Variants in IRAK4 observed in about 807,000 individuals in gnomAD.
IRAK4 encodes the protein interleukin 1 receptor associated kinase 4.
Under a neutral mutation model 51.8 loss-of-function variants are expected in IRAK4, and 44 were observed. The observed-to-expected ratio is 0.85, with a 90% CI of 0.67 to 1.09. The LOEUF is 1.09. IRAK4 is among the 50% of genes least tolerant of loss of function. IRAK4 has a pLI of 0.00. For synonymous variants in IRAK4, 149 were observed against 174.1 expected (o/e 0.86, Z 1.13); for missense variants, 487 against 538.0 (o/e 0.91, Z 0.94).
rs1316616416 is a variant in IRAK4, at chr12:43,772,284, G to C, written c.412G>C (p.Val138Leu). The change falls in exon 4 of 12, where the codon GTG (valine) becomes CTG (leucine). Residue 138 changes from valine (V) to leucine (L), a missense_variant. Val to Leu is a conservative substitution (Grantham distance 32). Transcript: ENST00000613694. ...CAAAGACAGGACATTGATGACACCTGTGCAGAATCTTGAACAAAGCTATAT... is the reference window on the plus strand; with the variant it reads ...CAAAGACAGGACATTGATGACACCTCTGCAGAATCTTGAACAAAGCTATAT... ...CDKDRTLMTPVQNLEQSYMPP... is the reference protein window; with the variant it reads ...CDKDRTLMTPLQNLEQSYMPP... 6.2e-7 allele frequency: 1 copy of C among 1,613,838 alleles called. No individual in the cohort carries two copies. The highest frequency in any genetic ancestry group is 8.5e-7 in the Non-Finnish European group (1 of 1,179,906).
At chr12:43,773,830 T>C (rs1469964767) in intron 5 of IRAK4, 135 bp from the exon 6 acceptor site, 1 of 666,920 alleles carries the variant, frequency 1.5e-6, no homozygotes. Flanking sequence ...TAGATCTCAG[T>C]TATTCTGTAG....
rs769754150 is a variant in IRAK4 at position 43,786,501 on chromosome 12, T to G, written c.1291T>G (p.Ser431Ala). ...TTCCACTTCAGTTGAAGCTATGTAC[T>G]CTGTTGCTAGTCAATGTCTGCATGA... Reference protein sequence around the residue: ...ADSTSVEAMYSVASQCLHEKK... With the variant: ...ADSTSVEAMYAVASQCLHEKK... The change falls in exon 11 of 12, where the codon TCT becomes GCT. Residue 431 changes from serine (S) to alanine (A), a missense_variant. By Grantham distance (99) the Ser-to-Ala change is moderately conservative. Coordinates refer to ENST00000613694, the MANE Select transcript of IRAK4 (RefSeq NM_016123.4). The G allele has an allele frequency of 5.0e-6, 8 of 1,613,592 alleles. No homozygotes were observed. Among genetic ancestry groups the G allele is most frequent in the Non-Finnish European group, 5.9e-6 (7 of 1,179,832 alleles).
intron 10 of IRAK4, 47 bp downstream of exon 10, chr12:43,783,771 T>A (rs371699637): frequency 3.1e-5 from 40 of 1,275,380 alleles, no homozygotes; most frequent in Non-Finnish European, 4.2e-5. Flanking sequence ...TCTGCTTTTG[T>A]AGTCTAAATT....
chr12:43,786,293 G>C, intron 10 of IRAK4, 106 bp from the exon 11 acceptor site: 4 of 704,736 alleles, frequency 5.7e-6, no homozygotes, highest in Non-Finnish European at 8.1e-6. Context: ...AGTAAAATGA[G>C]AGCACATGTT....
chr12:43,774,122 A>C, intron 6 of IRAK4, 93 bp downstream of exon 6: 1 of 807,522 alleles, frequency 1.2e-6, no homozygotes, highest in Non-Finnish European at 2.1e-6. Flanking sequence ...TGAACTAGTG[A>C]TGTTTGCACA....
rs1942254918 is a variant in IRAK4, at chr12:43,786,849, A to G, written c.*134A>G. ...GTTGCAGGACAGTGGTTATTAAAGCATGGGTTGAACTTCCAAAATATAAAA... is the reference window on the plus strand; with the variant it reads ...GTTGCAGGACAGTGGTTATTAAAGCGTGGGTTGAACTTCCAAAATATAAAA... On this transcript the variant is annotated 3_prime_UTR_variant, in exon 12 of 12. Coordinates refer to ENST00000613694, the MANE Select transcript of IRAK4 (RefSeq NM_016123.4). The G allele has an allele frequency of 1.3e-6, 1 of 761,688 alleles. No homozygotes were observed. Among genetic ancestry groups the G allele is most frequent in the East Asian group, 2.6e-5 (1 of 38,494 alleles). The allele number at this position is 761,688 out of a possible 1,614,324, so 47.2% of individuals were successfully genotyped here.
rs933500132 is a variant in IRAK4 at position 43,788,009 on chromosome 12, A to G, written c.*1294A>G. 1 of 152,298 alleles carries G rather than the reference A, an allele frequency of 6.6e-6. No individual in the cohort carries two copies. The highest frequency in any genetic ancestry group is 6.6e-5 in the Admixed American group (1 of 15,264). 9.4% of individuals were successfully genotyped at this position (152,298 alleles called of 1,614,324 possible). ...GAGGTAGAGGTTGCAGTGAGCTGAG[A>G]TCGTGCCACTGCACTCCAGCCTGGG... On this transcript the variant is annotated 3_prime_UTR_variant, in exon 12 of 12. Transcript: ENST00000613694.
intron 10 of IRAK4, among the ~76,000 whole-genome samples, chr12:43,784,605 A>G (rs1942054677): frequency 6.6e-6 from 1 of 152,250 alleles, no homozygotes; most frequent in African/African-American, 2.4e-5. Context: ...GTTTTGCCTA[A>G]GACTTTTTCC....
chr12:43,770,786 G>C (rs1940670740), intron 2 of IRAK4, among the ~76,000 whole-genome samples: 1 of 152,124 alleles, frequency 6.6e-6, no homozygotes, highest in South Asian at 2.1e-4. Flanking sequence ...AAAAGTTCAT[G>C]TGTTAGAAAC....
intron 8 of IRAK4, among the ~76,000 whole-genome samples, chr12:43,781,172 T>TG (rs1245497411): frequency 6.6e-6 from 1 of 152,216 alleles, no homozygotes; most frequent in Non-Finnish European, 1.5e-5. Context: ...TACAAAATTC[T>TG]GTTGTGTGAG....
chr12:43,782,055 T>C lies in IRAK4; in HGVS notation c.942-252T>C, dbSNP rs11182262. Among the ~76,000 whole-genome samples the C allele has an allele frequency of 9.4e-3, 1,267 of 134,124 alleles. 17 individuals carry two copies. The highest frequency in any genetic ancestry group is 0.077 in the East Asian group (321 of 4,152). The allele number at this position is 134,124 out of a possible 152,430, so 88.0% of individuals were successfully genotyped here. On this transcript the variant is annotated intron_variant, in intron 8 of 11. Transcript: ENST00000613694. ...TTCATTTTTATTCTCCTAAATGTTT[T>C]CCTCAAGAAACATAAAAAAAGAGGA... is the stretch of plus-strand genomic sequence containing the variant.
intron 8 of IRAK4, among the ~76,000 whole-genome samples, chr12:43,780,250 T>C (rs1250042194): frequency 1.3e-5 from 2 of 152,102 alleles, no homozygotes; most frequent in African/African-American, 4.8e-5. Context: ...AGAACTGAGA[T>C]AGGAGTATAG....
At chr12:43,765,857 C>A (rs950190313) in intron 1 of IRAK4, among the ~76,000 whole-genome samples, 2 of 142,532 alleles carry the variant, frequency 1.4e-5, no homozygotes, top group East Asian at 2.0e-4. Context: ...AAAAAAAAAA[C>A]TTCATTCTAT....
At chr12:43,769,633 C>T (rs1940538730) in intron 2 of IRAK4, among the ~76,000 whole-genome samples, 1 of 152,128 alleles carries the variant, frequency 6.6e-6, no homozygotes, top group Non-Finnish European at 1.5e-5. Context: ...GCCTGAGTGA[C>T]AGAGCAAGAC....
chr12:43,781,289 A>G (rs1397027296), intron 8 of IRAK4, among the ~76,000 whole-genome samples: 56 of 152,168 alleles, frequency 3.7e-4, no homozygotes, highest in Admixed American at 3.7e-3. Flanking sequence ...AATCCAGCCT[A>G]TCAGTTCTCA....
chr12:43,771,186 G>A (rs1940719626), intron 2 of IRAK4, 34 bp from the exon 3 acceptor site: 2 of 1,567,246 alleles, frequency 1.3e-6, no homozygotes, highest in African/African-American at 2.7e-5. Flanking sequence ...TAAGACAATA[G>A]ACTAATTTTG....
At position 43,775,577 on chromosome 12, in the gene IRAK4, A is replaced by G. The variant is rs1235840552; in HGVS notation, c.716+1548A>G. 2.0e-5 allele frequency among the ~76,000 whole-genome samples: 3 copies of G among 152,202 alleles called. No homozygotes were observed. The East Asian group carries it at 5.8e-4, about 29-fold the overall frequency. Reference sequence around the variant, plus strand: ...TTGAAAACATTTTAAATTATTGTACAACAGTCTAGCATATGTGAAAATCAT... The same window carrying G: ...TTGAAAACATTTTAAATTATTGTACGACAGTCTAGCATATGTGAAAATCAT... On this transcript the variant is annotated intron_variant, in intron 6 of 11. Coordinates refer to ENST00000613694, the MANE Select transcript of IRAK4 (RefSeq NM_016123.4).
intron 6 of IRAK4, 71 bp from the exon 7 acceptor site, chr12:43,777,559 G>T: frequency 7.2e-7 from 1 of 1,383,614 alleles, no homozygotes; most frequent in Non-Finnish European, 9.6e-7. Context: ...TTAAAACTTT[G>T]AATAACTTCC....
intron 7 of IRAK4, among the ~76,000 whole-genome samples, chr12:43,777,991 T>C (rs1329356440): frequency 6.6e-6 from 1 of 152,204 alleles, no homozygotes; most frequent in Non-Finnish European, 1.5e-5. Context: ...CTTTTATATA[T>C]TTTTATCTTC....
Sources: gnomAD v4.1 joint callset for allele counts (sites outside exome capture counted in the v4.1 genomes callset) on GRCh38, gnomAD v4.1.1 for gene constraint, MANE v1.5 for transcripts, NCBI Gene and HGNC (gene_info 2026-07-23, HGNC 2026-07-21) for gene names.